The following CMIP variants were observed in gnomAD, a reference collection of about 807,000 sequenced individuals.
CMIP encodes c-Maf inducing protein.
CMIP carries 13 observed loss-of-function variants against 97.3 expected under a neutral mutation model. The observed-to-expected ratio is 0.13, with a 90% CI of 0.09 to 0.21. The LOEUF (loss-of-function observed/expected upper bound fraction) is 0.21. Among genes scored for constraint, CMIP ranks in the 10% least tolerant of loss-of-function variants. The pLI, the probability that CMIP is intolerant of heterozygous loss-of-function variation, is 1.00. For missense variants in CMIP, 847 were observed against 1,024.9 expected, an observed-to-expected ratio of 0.83 and a Z score of 2.37; for synonymous variants, 538 against 436.3, an observed-to-expected ratio of 1.23 and a Z score of -2.91.
chr16:81,699,021 T>A (rs771446004), intron 14 of CMIP, among the ~76,000 whole-genome samples: 18 of 152,028 alleles, frequency 1.2e-4, no homozygotes, highest in Non-Finnish European at 2.6e-4. Flanking sequence ...GGAAGCCGAG[T>A]TGGGTGGACC....
chr16:81,657,874 C>G, intron 5 of CMIP, 58 bp downstream of exon 5: 2 of 1,433,964 alleles, frequency 1.4e-6, no homozygotes, highest in Non-Finnish European at 1.9e-6. Context: ...AGCCTACAAC[C>G]CTTTTCCTGG....
intron 1 of CMIP, among the ~76,000 whole-genome samples, chr16:81,534,681 C>T (rs1027270456): frequency 6.6e-6 from 1 of 151,950 alleles, no homozygotes; most frequent in Non-Finnish European, 1.5e-5. Context: ...TAAAATTAAC[C>T]TAGAACTAAG....
At chr16:81,511,469 A>G (rs1040055292) in intron 1 of CMIP, among the ~76,000 whole-genome samples, 9 of 152,170 alleles carry the variant, frequency 5.9e-5, no homozygotes, top group African/African-American at 1.9e-4. Flanking sequence ...AGAATTTTCC[A>G]TATTCTGAGT....
intron 1 of CMIP, among the ~76,000 whole-genome samples, chr16:81,585,242 TG>T (rs1408779530): frequency 1.3e-5 from 2 of 152,220 alleles, no homozygotes; most frequent in African/African-American, 4.8e-5. Context: ...CTCAGGAGGC[TG>T]AGGCAGGAGA....
At chr16:81,682,781 G>A (rs1396010791) in intron 10 of CMIP, among the ~76,000 whole-genome samples, 1 of 152,206 alleles carries the variant, frequency 6.6e-6, no homozygotes, top group African/African-American at 2.4e-5. Context: ...GTTCCCATAG[G>A]AAGGCCCCTG....
At chr16:81,498,726 C>T (rs747676600) in intron 1 of CMIP, among the ~76,000 whole-genome samples, 6 of 152,190 alleles carry the variant, frequency 3.9e-5, no homozygotes, top group Non-Finnish European at 7.4e-5. Flanking sequence ...TGCACTCCCC[C>T]AGGCGTCATG....
At chr16:81,700,183 T>C (rs1907234966) in intron 15 of CMIP, among the ~76,000 whole-genome samples, 2 of 152,070 alleles carry the variant, frequency 1.3e-5, no homozygotes, top group South Asian at 4.2e-4. Context: ...TGGGGCCAGG[T>C]TGGGTTAGCC....
intron 1 of CMIP, among the ~76,000 whole-genome samples, chr16:81,538,079 C>T (rs1018208908): frequency 3.9e-5 from 6 of 152,260 alleles, no homozygotes; most frequent in Non-Finnish European, 8.8e-5. Context: ...AGTCTCGTTG[C>T]ATCCCCCTGT....
intron 1 of CMIP, among the ~76,000 whole-genome samples, chr16:81,472,518 C>A (rs1237138832): frequency 1.3e-5 from 2 of 152,214 alleles, no homozygotes; most frequent in East Asian, 3.8e-4. Context: ...CACTTGACAC[C>A]GTTGAGTGTC....
At chr16:81,633,540 T>C (rs1234176393) in intron 3 of CMIP, among the ~76,000 whole-genome samples, 1 of 152,192 alleles carries the variant, frequency 6.6e-6, no homozygotes, top group African/African-American at 2.4e-5. Context: ...GAGAGGATAA[T>C]TGACCGGGAG....
At chr16:81,622,510 G>T (rs1194210158) in intron 3 of CMIP, among the ~76,000 whole-genome samples, 2 of 151,984 alleles carry the variant, frequency 1.3e-5, no homozygotes, top group Non-Finnish European at 2.9e-5. Context: ...AGCGGTGTTG[G>T]TCACGGGGGT....
chr16:81,613,150 G>A (rs755234701), intron 2 of CMIP, among the ~76,000 whole-genome samples: 55 of 152,158 alleles, frequency 3.6e-4, no homozygotes, highest in Non-Finnish European at 7.4e-4. Context: ...CAACCTTTTT[G>A]GCTCCATCAG....
chr16:81,687,775 T>G (rs962115870), intron 10 of CMIP, among the ~76,000 whole-genome samples: 2 of 152,172 alleles, frequency 1.3e-5, no homozygotes, highest in African/African-American at 4.8e-5. Context: ...GGGCAAGAGT[T>G]GGCCAAAAAA....
intron 1 of CMIP, among the ~76,000 whole-genome samples, chr16:81,485,334 T>TG (rs1209487103): frequency 6.6e-6 from 1 of 152,244 alleles, no homozygotes; most frequent in Non-Finnish European, 1.5e-5. Context: ...CTGGGTGTGT[T>TG]GTCTAGCTCA....
At chr16:81,704,356 C>T (rs186841412) in intron 18 of CMIP, among the ~76,000 whole-genome samples, 15 of 9,972 alleles carry the variant, frequency 1.5e-3, no homozygotes, top group East Asian at 0.011. Context: ...CTCCTCCCTG[C>T]CCCCCTTACT....
At chr16:81,692,048 G>C (rs1389339168) in intron 11 of CMIP, among the ~76,000 whole-genome samples, 2 of 152,168 alleles carry the variant, frequency 1.3e-5, no homozygotes, top group African/African-American at 4.8e-5. Context: ...GGGAACTCAG[G>C]AGAACAGGGA....
intron 3 of CMIP, among the ~76,000 whole-genome samples, chr16:81,622,770 G>A (rs868681087): frequency 1.3e-5 from 2 of 152,174 alleles, no homozygotes; most frequent in African/African-American, 4.8e-5. Context: ...TGACTTACAC[G>A]TGCACCTGGA....
intron 2 of CMIP, chr16:81,619,611 C>G (rs747377695): frequency 6.6e-6 from 1 of 152,176 alleles, no homozygotes; most frequent in African/African-American, 2.4e-5. Flanking sequence ...TGGTGGGGAA[C>G]GCACGCTGCA....
intron 1 of CMIP, among the ~76,000 whole-genome samples, chr16:81,500,309 C>CCTTCCTTCCTTCCTT (rs1171863176): frequency 2.3e-4 from 5 of 21,396 alleles, no homozygotes; most frequent in East Asian, 1.8e-3. Flanking sequence ...CTTCCTGCCT[C>CCTTCCTTCCTTCCTT]CCTCCCTCCC....
Sources: gnomAD v4.1 joint callset for allele counts (sites outside exome capture counted in the v4.1 genomes callset) on GRCh38, gnomAD v4.1.1 for gene constraint, MANE v1.5 for transcripts, NCBI Gene and HGNC (gene_info 2026-07-23, HGNC 2026-07-21) for gene names.